NPC1: variants seen among roughly 807,000 people sequenced by gnomAD.
NPC1 encodes the protein NPC intracellular cholesterol transporter 1.
A neutral mutation model predicts 140.4 loss-of-function variants in NPC1; 85 were observed. The ratio of observed to expected loss-of-function variants is 0.61; its 90% CI spans 0.51 to 0.72. The LOEUF is 0.72. Among genes scored for constraint, NPC1 ranks in the 30% least tolerant of loss-of-function variants. The probability of loss-of-function intolerance (pLI) is 0.00; values close to 1 mark genes in which losing one functional copy is unlikely to be tolerated. For missense variants in NPC1, 1,504 were observed against 1,623.8 expected (o/e 0.93, Z 1.27); for synonymous variants, 656 against 624.8 (o/e 1.05, Z -0.74).
At chr18:23,521,207 A>T (rs2058133560), downstream of NPC1, among the ~76,000 whole-genome samples, 1 of 152,196 alleles carries the variant, frequency 6.6e-6, no homozygotes, top group South Asian at 2.1e-4. Flanking sequence ...AGCTAAAATT[A>T]TGTTGTGAAA....
At chr18:23,563,959 GTTAT>G (rs759247648) in intron 4 of NPC1, among the ~76,000 whole-genome samples, 12 of 135,516 alleles carry the variant, frequency 8.9e-5, no homozygotes, top group East Asian at 4.5e-4. Context: ...TTTAAATTGG[GTTAT>G]TTATTTATCA....
At chr18:23,526,889 T>G, downstream of NPC1, 6 of 1,329,722 alleles carry the variant, frequency 4.5e-6, no homozygotes, top group East Asian at 1.4e-4. Flanking sequence ...ATTCTTTATG[T>G]GAGGGGTGGC....
At chr18:23,543,962 G>A (rs772676726) in intron 13 of NPC1, among the ~76,000 whole-genome samples, 4 of 152,028 alleles carry the variant, frequency 2.6e-5, no homozygotes, top group African/African-American at 4.8e-5. Context: ...TGGCACCTTT[G>A]GGCAAAATGA....
chr18:23,526,187 G>A (rs1352233162), downstream of NPC1, among the ~76,000 whole-genome samples: 3 of 152,232 alleles, frequency 2.0e-5, no homozygotes, highest in Non-Finnish European at 4.4e-5. Context: ...GATGAGTTAT[G>A]ATGTTCCATT....
chr18:23,546,522 A>C (rs2058792447), intron 11 of NPC1, among the ~76,000 whole-genome samples: 1 of 152,198 alleles, frequency 6.6e-6, no homozygotes, highest in Non-Finnish European at 1.5e-5. Context: ...CTAGGTATGT[A>C]CCCAAAAGAA....
At chr18:23,539,626 G>C in intron 18 of NPC1, 156 bp from the exon 19 acceptor site, 1 of 797,690 alleles carries the variant, frequency 1.3e-6, no homozygotes, top group Non-Finnish European at 2.1e-6. Context: ...AGCCTTCAAA[G>C]TATTAGGTGG....
chr18:23,547,264 A>G (rs2058802815), intron 11 of NPC1, among the ~76,000 whole-genome samples: 1 of 152,200 alleles, frequency 6.6e-6, no homozygotes, highest in South Asian at 2.1e-4. Flanking sequence ...AAACACAGTT[A>G]ATTTCTGAGG....
exon 2 of NPC1, chr18:23,522,540 A>C (rs901684447): frequency 6.6e-6 from 1 of 152,380 alleles, no homozygotes; most frequent in Non-Finnish European, 1.5e-5. Flanking sequence ...GTGTGGCCCA[A>C]GACCATTCTT....
chr18:23,557,331 G>A (rs1318628366), intron 6 of NPC1, 141 bp from the exon 7 acceptor site: 1 of 709,002 alleles, frequency 1.4e-6, no homozygotes, highest in Middle Eastern at 2.3e-4. Context: ...TTTCCCCTAA[G>A]TCCCCTTGCT....
At position 23,540,002 on chromosome 18, in the gene NPC1, CTGAAAGAAAGA is replaced by C; in HGVS notation, c.2605-12_2605-2del. The C allele has an allele frequency of 6.2e-7, 1 of 1,613,032 alleles. No homozygotes were observed. The highest frequency in any genetic ancestry group is 8.5e-7 in the Non-Finnish European group (1 of 1,179,090). ...TGAAATAATCCACCATGTAGGAGTC[CTGAAAGAAAGA>C]TAAAAGAATAGGAGAGAGTGTGAAC... On this transcript the variant is annotated splice_acceptor_variant and splice_polypyrimidine_tract_variant and intron_variant, in intron 17 of 24. Transcript: ENST00000269228. LOFTEE classifies it high-confidence loss of function.
At chr18:23,570,821 A>G (rs1403972705) in intron 3 of NPC1, among the ~76,000 whole-genome samples, 43 of 152,202 alleles carry the variant, frequency 2.8e-4, no homozygotes, top group Non-Finnish European at 1.0e-4. Context: ...AACAGATAAA[A>G]AACTAAGTTT....
intron 1 of NPC1, among the ~76,000 whole-genome samples, chr18:23,577,373 G>C (rs2059298913): frequency 6.7e-6 from 1 of 149,490 alleles, no homozygotes; most frequent in African/African-American, 2.5e-5. Flanking sequence ...GTGCTGATTG[G>C]TGTATTTACA....
intron 4 of NPC1, among the ~76,000 whole-genome samples, chr18:23,568,230 A>C (rs2059154021): frequency 6.6e-6 from 1 of 152,106 alleles, no homozygotes; most frequent in South Asian, 2.1e-4. Flanking sequence ...ACCTCTCTCC[A>C]TTCAGTCAGG....
chr18:23,529,850 A>T, downstream of NPC1: 1 of 1,048,400 alleles, frequency 9.5e-7, no homozygotes, highest in South Asian at 1.5e-5. Context: ...TCCTGACATT[A>T]TTAGTTGGAA....
intron 3 of NPC1, 38 bp from the exon 4 acceptor site, chr18:23,569,036 ACAT>A: frequency 7.0e-7 from 1 of 1,435,640 alleles, no homozygotes; most frequent in Non-Finnish European, 9.8e-7. Context: ...ATGATCTCAC[ACAT>A]AATAGGGCCA....
intron 1 of NPC1, chr18:23,577,054 G>C (rs578004538): frequency 6.6e-6 from 1 of 152,020 alleles, no homozygotes; most frequent in African/African-American, 2.4e-5. Flanking sequence ...TGATTGGTGC[G>C]TTTATAATCC....
In NPC1 at chr18:23,532,764, G is replaced by A. The variant is rs140911133; in HGVS notation, c.3755-480C>T. 8.2e-5 allele frequency: 30 copies of A among 365,052 alleles called. No homozygotes were observed. The Admixed American group carries it at 1.0e-3, about 12-fold the overall frequency. The allele number at this position is 365,052 out of a possible 1,614,324, so 22.6% of individuals were successfully genotyped here. A position where few individuals can be genotyped will look rare whatever the true frequency, so the allele number is the denominator to read the frequency against. The stretch of plus-strand genomic sequence containing the variant: ...GTAATAGAACTACTTTCTATCCCCC[G>A]GAGATGATAAAAAGCCCCTCATTTT... On this transcript the variant is annotated intron_variant, in intron 24 of 24. Transcript: ENST00000269228.
intron 6 of NPC1, among the ~76,000 whole-genome samples, chr18:23,558,784 C>T (rs577367979): frequency 3.9e-5 from 6 of 152,032 alleles, no homozygotes; most frequent in Admixed American, 6.5e-5. Context: ...AGGTTTGTTA[C>T]GTATGTGTAC....
At chr18:23,585,896 G>A (rs901322585) in intron 1 of NPC1, among the ~76,000 whole-genome samples, 2 of 152,162 alleles carry the variant, frequency 1.3e-5, no homozygotes, top group Non-Finnish European at 2.9e-5. Flanking sequence ...CAGGTGATGA[G>A]AAGAGGAAAT....
Sources: allele counts gnomAD v4.1 joint callset (sites outside exome capture counted in the v4.1 genomes callset), GRCh38; gene constraint gnomAD v4.1.1; transcripts MANE v1.5; gene names NCBI Gene and HGNC (gene_info 2026-07-23, HGNC 2026-07-21).